Variants in SNTB2 observed in about 807,000 individuals in gnomAD.
The protein encoded by SNTB2 is beta-2-syntrophin.
In SNTB2, 34 loss-of-function variants were observed where a neutral mutation model predicts 46.2. That is an observed-to-expected ratio of 0.74 (90% confidence interval 0.56 to 0.98). The LOEUF (loss-of-function observed/expected upper bound fraction) is 0.98, where lower values mean the gene tolerates loss of function less well. Ranked by LOEUF, SNTB2 falls within the 50% of genes least tolerant of loss-of-function variation. SNTB2 has a pLI of 0.00. For missense variants in SNTB2, 603 were observed against 731.4 expected, an observed-to-expected ratio of 0.82 and a Z score of 2.02; for synonymous variants, 290 against 312.6, an observed-to-expected ratio of 0.93 and a Z score of 0.76.
chr16:69,235,275 C>T (rs1263327153), intron 1 of SNTB2, among the ~76,000 whole-genome samples: 1 of 152,002 alleles, frequency 6.6e-6, no homozygotes, highest in Non-Finnish European at 1.5e-5. Context: ...ACATCTTAGC[C>T]AGTTTTAATT....
chr16:69,222,397 A>G (rs886565876), intron 1 of SNTB2, among the ~76,000 whole-genome samples: 2 of 152,146 alleles, frequency 1.3e-5, no homozygotes, highest in African/African-American at 4.8e-5. Context: ...ATTCGACATC[A>G]GCCTGGCCAA....
At chr16:69,237,469 G>C (rs1460020878) in intron 1 of SNTB2, among the ~76,000 whole-genome samples, 1 of 152,020 alleles carries the variant, frequency 6.6e-6, no homozygotes, top group Non-Finnish European at 1.5e-5. Flanking sequence ...GTTTTGTTTT[G>C]ATTTTCAAGG....
At chr16:69,231,537 C>G (rs1378392972) in intron 1 of SNTB2, among the ~76,000 whole-genome samples, 1 of 152,086 alleles carries the variant, frequency 6.6e-6, no homozygotes, top group African/African-American at 2.4e-5. Context: ...TGCAGAGAGC[C>G]GAGATAATGC....
At chr16:69,246,882 A>C (rs1046981246) in intron 2 of SNTB2, among the ~76,000 whole-genome samples, 4 of 113,302 alleles carry the variant, frequency 3.5e-5, no homozygotes, top group Non-Finnish European at 6.7e-5. Flanking sequence ...GGAATATCAC[A>C]CTCTGGGGAC....
chr16:69,201,828 AT>A lies in SNTB2; in HGVS notation c.580+14090del, dbSNP rs199649889. On this transcript the variant is annotated intron_variant, in intron 1 of 6. Coordinates refer to ENST00000336278, the MANE Select transcript of SNTB2 (RefSeq NM_006750.4). ...ATGAGAATTCAATAGTATTATTATTATTTTTTTTGAGTGCCTCTAAAATTGT... is the reference window on the plus strand; with the variant it reads ...ATGAGAATTCAATAGTATTATTATTATTTTTTTGAGTGCCTCTAAAATTGT... Among the ~76,000 whole-genome samples, 1,153 of 151,964 alleles carry A rather than the reference AT, an allele frequency of 7.6e-3. 15 individuals carry two copies. The highest frequency in any genetic ancestry group is 0.025 in the African/African-American group (1,038 of 41,482).
At position 69,306,555 on chromosome 16, in the gene SNTB2, C is replaced by T. The variant is rs1167137480; in HGVS notation, c.*5631C>T. 1.3e-5 allele frequency: 2 copies of T among 152,118 alleles called. No homozygotes were observed. The highest frequency in any genetic ancestry group is 1.3e-4 in the Admixed American group (2 of 15,268). The allele number at this position is 152,118 out of a possible 1,614,324, so 9.4% of individuals were successfully genotyped here. On this transcript the variant is annotated 3_prime_UTR_variant, in exon 7 of 7. Transcript: ENST00000336278. ...TATAAACCATAATCCTTGAATTGCC[C>T]CTTTTAAAATAGATTGGTTAAAACC...
chr16:69,274,370 C>T (rs1964966365), intron 4 of SNTB2, among the ~76,000 whole-genome samples: 1 of 146,724 alleles, frequency 6.8e-6, no homozygotes, highest in African/African-American at 2.5e-5. Context: ...AAGAGGAGCT[C>T]TGGCCCAGCG....
At chr16:69,222,202 C>G (rs1011908472) in intron 1 of SNTB2, among the ~76,000 whole-genome samples, 1 of 152,082 alleles carries the variant, frequency 6.6e-6, no homozygotes, top group African/African-American at 2.4e-5. Flanking sequence ...TCTGCTTTTC[C>G]TTGACGTACA....
chr16:69,297,153 A>G (rs1028031943), intron 5 of SNTB2, among the ~76,000 whole-genome samples: 1 of 151,478 alleles, frequency 6.6e-6, no homozygotes, highest in Non-Finnish European at 1.5e-5. Flanking sequence ...AAAAAATACA[A>G]AAAATTAGCT....
chr16:69,230,153 C>T (rs1247645648), intron 1 of SNTB2, among the ~76,000 whole-genome samples: 1 of 152,050 alleles, frequency 6.6e-6, no homozygotes, highest in Non-Finnish European at 1.5e-5. Flanking sequence ...TATAGAAAGT[C>T]CAAACATTAT....
chr16:69,292,368 ATAT>A lies in SNTB2; in HGVS notation c.1346-7221_1346-7219del, dbSNP rs1485049566. On this transcript the variant is annotated intron_variant, in intron 5 of 6. Coordinates refer to ENST00000336278, the MANE Select transcript of SNTB2 (RefSeq NM_006750.4). The stretch of plus-strand genomic sequence containing the variant: ...CACCTTATTTTTTATATATATATAT[ATAT>A]ATATATATTATATATATATTATATA... 1.1e-4 allele frequency among the ~76,000 whole-genome samples: 3 copies of A among 26,382 alleles called. 1 individual carries two copies. In the South Asian group the frequency reaches 2.9e-3, roughly 26 times the overall value. The allele number at this position is 26,382 out of a possible 152,430, so 17.3% of individuals were successfully genotyped here.
chr16:69,195,771 T>C (rs1964099654), intron 1 of SNTB2, among the ~76,000 whole-genome samples: 1 of 152,188 alleles, frequency 6.6e-6, no homozygotes, highest in Non-Finnish European at 1.5e-5. Context: ...CCAATAGTTC[T>C]GCTTTGCCAG....
intron 1 of SNTB2, among the ~76,000 whole-genome samples, chr16:69,228,726 CACTA>C (rs1191748172): frequency 2.6e-5 from 4 of 152,056 alleles, no homozygotes; most frequent in Non-Finnish European, 4.4e-5. Flanking sequence ...TATACATACA[CACTA>C]AGTAAGTATA....
At chr16:69,211,894 G>A (rs1323460547) in intron 1 of SNTB2, among the ~76,000 whole-genome samples, 5 of 152,246 alleles carry the variant, frequency 3.3e-5, no homozygotes, top group South Asian at 2.1e-4. Context: ...CTGTATTTTG[G>A]TGGTGATCTT....
At chr16:69,203,719 T>C (rs1415011162) in intron 1 of SNTB2, among the ~76,000 whole-genome samples, 1 of 152,124 alleles carries the variant, frequency 6.6e-6, no homozygotes, top group East Asian at 1.9e-4. Flanking sequence ...AACCCTCCCT[T>C]TCCCTTTTTT....
intron 3 of SNTB2, among the ~76,000 whole-genome samples, chr16:69,262,362 G>A (rs952359273): frequency 6.6e-6 from 1 of 151,896 alleles, no homozygotes; most frequent in African/African-American, 2.4e-5. Context: ...CTGGAGTGCG[G>A]TGGCGCGATC....
At chr16:69,265,950 T>C (rs900791262) in intron 3 of SNTB2, among the ~76,000 whole-genome samples, 1 of 152,030 alleles carries the variant, frequency 6.6e-6, no homozygotes, top group African/African-American at 2.4e-5. Context: ...CCCTTTTGTC[T>C]CTGGCCAGAA....
chr16:69,292,434 ATTATATATATATAAT>A (rs1965181717), intron 5 of SNTB2, among the ~76,000 whole-genome samples: 1 of 15,056 alleles, frequency 6.6e-5, no homozygotes, highest in African/African-American at 5.1e-4. Context: ...ATATATATAT[ATTATATATATATAAT>A]TTTTTTTTTG....
intron 1 of SNTB2, among the ~76,000 whole-genome samples, chr16:69,221,427 T>G (rs1964402942): frequency 6.6e-6 from 1 of 152,208 alleles, no homozygotes; most frequent in African/African-American, 2.4e-5. Context: ...TATAAGAAAC[T>G]AATAGAATGT....
Sources: allele counts gnomAD v4.1 joint callset (sites outside exome capture counted in the v4.1 genomes callset), GRCh38; gene constraint gnomAD v4.1.1; transcripts MANE v1.5; gene names NCBI Gene and HGNC (gene_info 2026-07-23, HGNC 2026-07-21).